The following MCPH1 variants were observed in gnomAD, a reference collection of about 807,000 sequenced individuals.
MCPH1 encodes the protein microcephalin.
Under a neutral mutation model 84.5 loss-of-function variants are expected in MCPH1, and 104 were observed. The ratio of observed to expected loss-of-function variants is 1.23; its 90% CI spans 1.05 to 1.45. The LOEUF (loss-of-function observed/expected upper bound fraction) is 1.45, where lower values mean the gene tolerates loss of function less well. Among genes scored for constraint, MCPH1 ranks in the 40% most tolerant of loss-of-function variants. MCPH1 has a pLI of 0.00. For missense variants in MCPH1, 1,498 were observed against 1,005.7 expected (o/e 1.49, Z -6.62); for synonymous variants, 514 against 366.8 (o/e 1.40, Z -4.58).
intron 12 of MCPH1, chr8:6,521,172 A>G (rs890659926): frequency 1.2e-6 from 2 of 1,609,396 alleles, no homozygotes; most frequent in African/African-American, 2.7e-5. Context: ...TGATATGTAA[A>G]CTTACAGTTT....
At chr8:6,553,919 A>G (rs1824127487) in intron 12 of MCPH1, among the ~76,000 whole-genome samples, 1 of 152,088 alleles carries the variant, frequency 6.6e-6, no homozygotes, top group Non-Finnish European at 1.5e-5. Context: ...ATAACTACCA[A>G]GATATGGTTT....
rs964357645 is a variant in MCPH1, at chr8:6,646,789, A to C, written c.*3740A>C. On this transcript the variant is annotated 3_prime_UTR_variant, in exon 14 of 14. Transcript: ENST00000344683. ...CAATCTCTGTCTCCAGATATTCCCA[A>C]ATGTGCCCTGGAGAGCAAAACTGTT... is the stretch of plus-strand genomic sequence containing the variant. The C allele has an allele frequency of 2.6e-5, 4 of 152,224 alleles. No homozygotes were observed. The highest frequency in any genetic ancestry group is 9.6e-5 in the African/African-American group (4 of 41,458). 9.4% of individuals were successfully genotyped at this position (152,224 alleles called of 1,614,324 possible).
At chr8:6,624,989 C>T (rs1831914797) in intron 13 of MCPH1, 1 of 558,934 alleles carries the variant, frequency 1.8e-6, no homozygotes, top group Admixed American at 6.4e-5. Flanking sequence ...GATTCTTCTG[C>T]CTCAGCCTTC....
intron 12 of MCPH1, among the ~76,000 whole-genome samples, chr8:6,592,638 T>TC (rs1828578283): frequency 7.8e-6 from 1 of 127,464 alleles, no homozygotes; most frequent in African/African-American, 2.8e-5. Context: ...TTTTTTTTTT[T>TC]TTTTTGTTGC....
chr8:6,531,103 G>C lies in MCPH1; in HGVS notation c.2214+31174G>C, dbSNP rs537828302. 1.3e-5 allele frequency among the ~76,000 whole-genome samples: 2 copies of C among 152,274 alleles called. 1 individual carries two copies. Among genetic ancestry groups the C allele is most frequent in the South Asian group, 4.2e-4 (2 of 4,818 alleles). On this transcript the variant is annotated intron_variant, in intron 12 of 13. Coordinates refer to ENST00000344683, the MANE Select transcript of MCPH1 (RefSeq NM_024596.5). The stretch of plus-strand genomic sequence containing the variant: ...GTCAGAAAGCGGGCTTGGCCGCCGA[G>C]AGTCACGACCACGGCCTTGAGCTTG...
intron 3 of MCPH1, among the ~76,000 whole-genome samples, chr8:6,422,452 A>T (rs1015241175): frequency 6.6e-6 from 1 of 152,232 alleles, no homozygotes; most frequent in Non-Finnish European, 1.5e-5. Flanking sequence ...AAATTAAAAT[A>T]GTAGCCATTT....
chr8:6,554,368 GCCCC>G (rs1230343701), intron 12 of MCPH1, among the ~76,000 whole-genome samples: 5 of 151,420 alleles, frequency 3.3e-5, no homozygotes, highest in Non-Finnish European at 7.4e-5. Flanking sequence ...TCACGTTCTC[GCCCC>G]CAAAAGCCAA....
intron 12 of MCPH1, among the ~76,000 whole-genome samples, chr8:6,545,791 A>G (rs536488953): frequency 6.6e-6 from 1 of 152,384 alleles, no homozygotes; most frequent in African/African-American, 2.4e-5. Flanking sequence ...GCTATTAATA[A>G]TAGTTCTACC....
chr8:6,474,200 G>C, intron 9 of MCPH1: 1 of 702,990 alleles, frequency 1.4e-6, no homozygotes, highest in Non-Finnish European at 2.6e-6. Flanking sequence ...ATCTAAAATG[G>C]GACAATTATA....
At position 6,460,890 on chromosome 8, in the gene MCPH1, A is replaced by G. The variant is rs182634206; in HGVS notation, c.1935+5638A>G. Among the ~76,000 whole-genome samples, 421 of 152,264 alleles carry G rather than the reference A, an allele frequency of 2.8e-3. 2 individuals are homozygous for G. Among genetic ancestry groups the G allele is most frequent in the African/African-American group, 9.1e-3 (380 of 41,534 alleles). On this transcript the variant is annotated intron_variant, in intron 9 of 13. Transcript: ENST00000344683. The stretch of plus-strand genomic sequence containing the variant: ...AGCTGGGGCTTGTTTGTTTGTTTGC[A>G]TCTTGTCCAGCTTTTCTGAGGGCTC...
At chr8:6,633,925 A>C (rs1563220599) in intron 13 of MCPH1, among the ~76,000 whole-genome samples, 1 of 152,240 alleles carries the variant, frequency 6.6e-6, no homozygotes, top group African/African-American at 2.4e-5. Context: ...TAGCACAAAC[A>C]GTCAACTTGT....
intron 12 of MCPH1, among the ~76,000 whole-genome samples, chr8:6,613,889 G>A (rs1027408103): frequency 6.6e-5 from 10 of 152,130 alleles, no homozygotes; most frequent in African/African-American, 2.4e-4. Flanking sequence ...AGAGTTTCAG[G>A]AGCCTCCATG....
chr8:6,610,218 C>T (rs1338555761), intron 12 of MCPH1, among the ~76,000 whole-genome samples: 1 of 152,174 alleles, frequency 6.6e-6, no homozygotes, highest in African/African-American at 2.4e-5. Flanking sequence ...GGCTGGGTTG[C>T]CACTGAGCCC....
chr8:6,541,631 T>G (rs867226550), intron 12 of MCPH1, among the ~76,000 whole-genome samples: 27 of 152,132 alleles, frequency 1.8e-4, no homozygotes, highest in Admixed American at 1.3e-4. Flanking sequence ...CTTTGTTAAA[T>G]TCTCAGCTTA....
chr8:6,627,269 G>A (rs1482238275), intron 13 of MCPH1: 15 of 985,316 alleles, frequency 1.5e-5, no homozygotes, highest in East Asian at 2.3e-4. Flanking sequence ...CCATTGCCTC[G>A]ATAAGGAACC....
At chr8:6,436,628 T>A (rs897626558) in intron 5 of MCPH1, among the ~76,000 whole-genome samples, 1 of 151,172 alleles carries the variant, frequency 6.6e-6, no homozygotes, top group East Asian at 1.9e-4. Context: ...TAGAAAAAAA[T>A]ATATGTATTC....
intron 12 of MCPH1, chr8:6,532,595 T>A: frequency 1.1e-5 from 8 of 727,336 alleles, no homozygotes; most frequent in Non-Finnish European, 1.6e-5. Flanking sequence ...AAAAAAAATC[T>A]ATCAAAAGAC....
intron 13 of MCPH1, among the ~76,000 whole-genome samples, chr8:6,642,263 C>T (rs1797983612): frequency 6.6e-6 from 1 of 151,160 alleles, no homozygotes; most frequent in South Asian, 2.1e-4. Context: ...GATTTCATTC[C>T]TTTTTTTTTC....
At chr8:6,618,109 T>C (rs928895210) in intron 12 of MCPH1, among the ~76,000 whole-genome samples, 1 of 152,210 alleles carries the variant, frequency 6.6e-6, no homozygotes, top group African/African-American at 2.4e-5. Context: ...TAAATTGCGA[T>C]TACCAAGGGT....
Sources: gnomAD v4.1 joint callset for allele counts (sites outside exome capture counted in the v4.1 genomes callset) on GRCh38, gnomAD v4.1.1 for gene constraint, MANE v1.5 for transcripts, NCBI Gene and HGNC (gene_info 2026-07-23, HGNC 2026-07-21) for gene names.